ITGBL1: variants seen among roughly 807,000 people sequenced by gnomAD.
ITGBL1 encodes the protein integrin beta-like protein 1.
In ITGBL1, 51 loss-of-function variants were observed where a neutral mutation model predicts 68.5. The ratio of observed to expected loss-of-function variants is 0.74; its 90% CI spans 0.59 to 0.94. The LOEUF is 0.94. ITGBL1 is among the 40% of genes least tolerant of loss of function. The probability of loss-of-function intolerance (pLI) is 0.00; values close to 1 mark genes in which losing one functional copy is unlikely to be tolerated. For synonymous variants in ITGBL1, 209 were observed against 227.3 expected (o/e 0.92, Z 0.72); for missense variants, 649 against 647.4 (o/e 1.00, Z -0.03).
At chr13:101,681,796 G>T (rs891324448) in intron 7 of ITGBL1, among the ~76,000 whole-genome samples, 1 of 152,118 alleles carries the variant, frequency 6.6e-6, no homozygotes, top group Non-Finnish European at 1.5e-5. Flanking sequence ...GTGTGTCTGT[G>T]TGTGTGTGGG....
Position 101,452,794 on chromosome 13 carries a change from G to T in ITGBL1, c.-40G>T. 6.4e-7 allele frequency: 1 copy of T among 1,555,410 alleles called. No homozygotes were observed. The highest frequency in any genetic ancestry group is 8.9e-7 in the Non-Finnish European group (1 of 1,127,252). ...CGCCTCCCTCGGTGAACCCCACCTT[G>T]CAGAAGTGCAGCTCGCCCGGAGCAG... is the stretch of plus-strand genomic sequence containing the variant. On this transcript the variant is annotated 5_prime_UTR_variant, in exon 1 of 11. Transcript: ENST00000376180.
chr13:101,638,588 A>G (rs1433155884), intron 7 of ITGBL1, among the ~76,000 whole-genome samples: 1 of 152,210 alleles, frequency 6.6e-6, no homozygotes, highest in East Asian at 1.9e-4. Context: ...TGAAAGGCAC[A>G]TCTCACATGG....
chr13:101,545,738 C>G (rs1388162008), intron 2 of ITGBL1, among the ~76,000 whole-genome samples: 1 of 151,968 alleles, frequency 6.6e-6, no homozygotes, highest in African/African-American at 2.4e-5. Flanking sequence ...ATAGTAACAG[C>G]CATCACTGGG....
At chr13:101,453,072 T>A in intron 1 of ITGBL1, 141 bp downstream of exon 1, 1 of 644,086 alleles carries the variant, frequency 1.6e-6, no homozygotes, top group Non-Finnish European at 2.8e-6. Flanking sequence ...TTCCTTTTCC[T>A]CTCCTTATAT....
downstream of ITGBL1, chr13:101,719,806 A>T (rs533234331): frequency 1.3e-5 from 2 of 152,184 alleles, no homozygotes; most frequent in South Asian, 4.1e-4. Flanking sequence ...GATTTACTAT[A>T]CGGAACATCA....
At chr13:101,597,159 C>T (rs1048984406) in intron 6 of ITGBL1, among the ~76,000 whole-genome samples, 5 of 152,008 alleles carry the variant, frequency 3.3e-5, no homozygotes, top group South Asian at 2.1e-4. Context: ...AGGCTATGCA[C>T]GTGAGGGAGA....
chr13:101,669,648 A>T (rs976785688), intron 7 of ITGBL1, among the ~76,000 whole-genome samples: 2 of 152,190 alleles, frequency 1.3e-5, no homozygotes, highest in African/African-American at 4.8e-5. Context: ...AAATTTGCAG[A>T]AAGTTTTTAT....
intron 2 of ITGBL1, among the ~76,000 whole-genome samples, chr13:101,530,295 ACAAT>A (rs2049451522): frequency 6.6e-6 from 1 of 152,182 alleles, no homozygotes; most frequent in Admixed American, 6.6e-5. Flanking sequence ...GTAGTGATGG[ACAAT>A]CAAATTACAT....
intron 2 of ITGBL1, among the ~76,000 whole-genome samples, chr13:101,494,153 CAG>C (rs1274560184): frequency 6.6e-5 from 10 of 152,270 alleles, no homozygotes; most frequent in East Asian, 3.9e-4. Flanking sequence ...AAAAAGCAAA[CAG>C]GGGATTTAGA....
At chr13:101,671,203 G>C (rs894485373) in intron 7 of ITGBL1, among the ~76,000 whole-genome samples, 4 of 151,950 alleles carry the variant, frequency 2.6e-5, no homozygotes, top group Non-Finnish European at 5.9e-5. Context: ...AAAATTTCCA[G>C]AACTCTGATA....
At chr13:101,604,493 G>A (rs34444925) in intron 7 of ITGBL1, among the ~76,000 whole-genome samples, 12,098 of 151,704 alleles carry the variant, frequency 0.08, 758 homozygotes, top group East Asian at 0.17. Context: ...CATGAGCAAA[G>A]TAATTTTGCA....
At position 101,575,640 on chromosome 13, in the gene ITGBL1, G is replaced by A. The variant is rs1252051410; in HGVS notation, c.586+94G>A. The A allele has an allele frequency of 2.5e-5, 30 of 1,207,584 alleles. No individual in the cohort carries two copies. The South Asian group carries it at 2.6e-4, about 11-fold the overall frequency. 74.8% of individuals were successfully genotyped at this position (1,207,584 alleles called of 1,614,324 possible). A position where few individuals can be genotyped will look rare whatever the true frequency, so the allele number is the denominator to read the frequency against. On this transcript the variant is annotated intron_variant, in intron 4 of 10. Transcript: ENST00000376180. The stretch of plus-strand genomic sequence containing the variant: ...ATCTCTACATAAGTTTCTGCTCTAG[G>A]TGTGCTAATGTAGTTTAAACCTATG...
intron 7 of ITGBL1, among the ~76,000 whole-genome samples, chr13:101,658,687 A>G (rs1475384498): frequency 1.3e-5 from 2 of 152,114 alleles, no homozygotes; most frequent in African/African-American, 2.4e-5. Flanking sequence ...ATCTCAGGTA[A>G]TGGCATAAAA....
intron 8 of ITGBL1, among the ~76,000 whole-genome samples, chr13:101,695,999 G>A (rs1462189814): frequency 1.3e-5 from 2 of 152,124 alleles, no homozygotes; most frequent in Non-Finnish European, 2.9e-5. Context: ...CGGAATCATC[G>A]GGAAAGATTT....
chr13:101,591,766 A>G (rs892983776), intron 6 of ITGBL1, among the ~76,000 whole-genome samples: 1 of 152,300 alleles, frequency 6.6e-6, no homozygotes, highest in East Asian at 1.9e-4. Context: ...TACTTTTAAA[A>G]AGTGTAATTC....
chr13:101,552,877 A>G (rs1314896707), intron 2 of ITGBL1, among the ~76,000 whole-genome samples: 1 of 152,204 alleles, frequency 6.6e-6, no homozygotes, highest in Admixed American at 6.5e-5. Flanking sequence ...TGTGTTAGCC[A>G]TTTCACAAAT....
At chr13:101,498,276 A>C (rs764950389) in intron 2 of ITGBL1, among the ~76,000 whole-genome samples, 3 of 152,154 alleles carry the variant, frequency 2.0e-5, no homozygotes, top group Non-Finnish European at 4.4e-5. Context: ...CCTGATGAGA[A>C]TGTATTTCCC....
At chr13:101,715,523 T>C in intron 10 of ITGBL1, 40 bp from the exon 11 acceptor site, 3 of 1,408,670 alleles carry the variant, frequency 2.1e-6, no homozygotes, top group Non-Finnish European at 3.0e-6. Flanking sequence ...TTTGGCACAT[T>C]TTGATCATAA....
At chr13:101,643,642 T>C (rs1465118921) in intron 7 of ITGBL1, among the ~76,000 whole-genome samples, 4 of 152,098 alleles carry the variant, frequency 2.6e-5, no homozygotes, top group African/African-American at 9.7e-5. Context: ...ATGTAATCTT[T>C]AGTCACCAGT....
Sources: allele counts gnomAD v4.1 joint callset (sites outside exome capture counted in the v4.1 genomes callset), GRCh38; gene constraint gnomAD v4.1.1; transcripts MANE v1.5; gene names NCBI Gene and HGNC (gene_info 2026-07-23, HGNC 2026-07-21).